The following N4BP1 variants were observed in gnomAD, a reference collection of about 807,000 sequenced individuals.
N4BP1 encodes the protein NEDD4-binding protein 1.
In N4BP1, 21 loss-of-function variants were observed where a neutral mutation model predicts 70.9. The observed-to-expected ratio is 0.30, with a 90% CI of 0.21 to 0.43. The LOEUF is 0.43. Among genes scored for constraint, N4BP1 ranks in the 20% least tolerant of loss-of-function variants. The pLI is 1.00. For synonymous variants in N4BP1, 387 were observed against 394.6 expected, an observed-to-expected ratio of 0.98 and a Z score of 0.23; for missense variants, 936 against 1,069.4, an observed-to-expected ratio of 0.88 and a Z score of 1.74.
chr16:48,583,406 G>A (rs1964200895), intron 1 of N4BP1, among the ~76,000 whole-genome samples: 1 of 152,212 alleles, frequency 6.6e-6, no homozygotes, highest in African/African-American at 2.4e-5. Context: ...ACAGTTTGGG[G>A]AAGGGATTCT....
At position 48,549,155 on chromosome 16, in the gene N4BP1, A is replaced by T. The variant is rs868431057; in HGVS notation, c.2118-1041T>A. Among the ~76,000 whole-genome samples, 54 of 152,362 alleles carry T rather than the reference A, an allele frequency of 3.5e-4. No individual in the cohort carries two copies. In the South Asian group the frequency reaches 4.6e-3, roughly 13 times the overall value. Reference sequence around the variant, plus strand: ...ATAAATTAAGGGACTCACTGGAATTAAAGGTAAAGACAACTGCTTTTACTA... The same window carrying T: ...ATAAATTAAGGGACTCACTGGAATTTAAGGTAAAGACAACTGCTTTTACTA... On this transcript the variant is annotated intron_variant, in intron 4 of 6. Transcript: ENST00000262384.
chr16:48,584,284 G>A (rs373715497), intron 1 of N4BP1, among the ~76,000 whole-genome samples: 41 of 152,316 alleles, frequency 2.7e-4, no homozygotes, highest in African/African-American at 8.9e-4. Context: ...GCAAGATCAC[G>A]TTTCGGGACC....
chr16:48,608,693 A>C (rs1233786140), intron 1 of N4BP1, among the ~76,000 whole-genome samples: 1 of 151,578 alleles, frequency 6.6e-6, no homozygotes, highest in East Asian at 1.9e-4. Context: ...AAGAGGTCTG[A>C]AATGCTGATT....
chr16:48,560,832 TAGGG>T lies in N4BP1; in HGVS notation c.1807_1810del (p.Pro603ThrfsTer5). On this transcript the variant is annotated frameshift_variant, in exon 2 of 7. Transcript: ENST00000262384. LOFTEE classifies it high-confidence loss of function. ...TGGTTCATTTTTTAATTCCAGCTTG[TAGGG>T]TATTTTTAGAGTATCTCGAAACCTT... 6.2e-7 allele frequency: 1 copy of T among 1,613,968 alleles called. No individual in the cohort carries two copies. Among genetic ancestry groups the T allele is most frequent in the Non-Finnish European group, 8.5e-7 (1 of 1,179,854 alleles).
intron 1 of N4BP1, among the ~76,000 whole-genome samples, chr16:48,599,548 A>G (rs749130734): frequency 2.6e-5 from 4 of 152,208 alleles, no homozygotes; most frequent in Admixed American, 1.3e-4. Context: ...CATTTCCTCC[A>G]ATGCTCCTTG....
At chr16:48,563,539 C>T (rs1041344328) in intron 1 of N4BP1, among the ~76,000 whole-genome samples, 3 of 152,020 alleles carry the variant, frequency 2.0e-5, no homozygotes, top group Non-Finnish European at 2.9e-5. Flanking sequence ...GCATGTGCCA[C>T]GACACCTGGC....
rs1457604107 is a variant in N4BP1 at position 48,538,751 on chromosome 16, C to T, written c.*4153G>A. ...TTCAGTTGAGCAGACATTTATTAAG[C>T]ACCTATCAAGTGCAAGGCACTGTGC... On this transcript the variant is annotated 3_prime_UTR_variant, in exon 7 of 7. Transcript: ENST00000262384. The T allele has an allele frequency of 6.6e-6, 1 of 152,100 alleles. No homozygotes were observed. Among genetic ancestry groups the T allele is most frequent in the African/African-American group, 2.4e-5 (1 of 41,388 alleles). 9.4% of individuals were successfully genotyped at this position (152,100 alleles called of 1,614,324 possible).
rs978042378 is a variant in N4BP1 at position 48,542,285 on chromosome 16, G to A, written c.*619C>T. Reference sequence around the variant, plus strand: ...ATGTCTTCTAGCCCTGGTATTCTGTGAGACTAACTTCGCCCTGGTCATTCA... The same window carrying A: ...ATGTCTTCTAGCCCTGGTATTCTGTAAGACTAACTTCGCCCTGGTCATTCA... On this transcript the variant is annotated 3_prime_UTR_variant, in exon 7 of 7. Transcript: ENST00000262384. 2.6e-4 allele frequency: 39 copies of A among 152,548 alleles called. No individual in the cohort carries two copies. Among genetic ancestry groups the A allele is most frequent in the African/African-American group, 8.2e-4 (34 of 41,474 alleles). 9.4% of individuals were successfully genotyped at this position (152,548 alleles called of 1,614,324 possible). A position where few individuals can be genotyped will look rare whatever the true frequency, so the allele number is the denominator to read the frequency against.
chr16:48,577,091 G>C (rs893167488), intron 1 of N4BP1, among the ~76,000 whole-genome samples: 3 of 152,116 alleles, frequency 2.0e-5, no homozygotes, highest in African/African-American at 4.8e-5. Context: ...GGTAGCCCAA[G>C]CCCCATTTCA....
At chr16:48,564,152 G>C (rs1251749886) in intron 1 of N4BP1, among the ~76,000 whole-genome samples, 1 of 152,136 alleles carries the variant, frequency 6.6e-6, no homozygotes, top group Non-Finnish European at 1.5e-5. Flanking sequence ...GTGGCTTGCA[G>C]ATATTTTCTC....
At chr16:48,577,504 A>G (rs1964110736) in intron 1 of N4BP1, 1 of 159,430 alleles carries the variant, frequency 6.3e-6, no homozygotes, top group African/African-American at 2.4e-5. Flanking sequence ...AATTCACTTT[A>G]TTTTTCTTGT....
Position 48,539,016 on chromosome 16 carries a change from GA to G in N4BP1, c.*3887del. The G allele has an allele frequency of 6.6e-6, 1 of 152,462 alleles. No homozygotes were observed. Among genetic ancestry groups the G allele is most frequent in the Non-Finnish European group, 1.5e-5 (1 of 68,122 alleles). The allele number at this position is 152,462 out of a possible 1,614,324, so 9.4% of individuals were successfully genotyped here. A position where few individuals can be genotyped will look rare whatever the true frequency, so the allele number is the denominator to read the frequency against. On this transcript the variant is annotated 3_prime_UTR_variant, in exon 7 of 7. Coordinates refer to ENST00000262384, the MANE Select transcript of N4BP1 (RefSeq NM_153029.4). ...CTTCCAGGAGGGAAGCCATTTGGGA[GA>G]AGGGCATCTCTAGCGGAGAGAGGTC...
intron 1 of N4BP1, among the ~76,000 whole-genome samples, chr16:48,574,893 G>A (rs1567436797): frequency 1.3e-5 from 2 of 152,190 alleles, no homozygotes; most frequent in South Asian, 2.1e-4. Context: ...CTCCTGTGCT[G>A]GAAGTGTGGA....
intron 4 of N4BP1, among the ~76,000 whole-genome samples, chr16:48,549,111 T>C (rs896115897): frequency 6.6e-6 from 1 of 152,182 alleles, no homozygotes; most frequent in East Asian, 1.9e-4. Flanking sequence ...TAAGGCAATG[T>C]AGACAAAGAT....
In N4BP1 at chr16:48,562,246, G is replaced by C; in HGVS notation, c.397C>G (p.His133Asp). 6.2e-7 allele frequency: 1 copy of C among 1,613,840 alleles called. No individual in the cohort carries two copies. Among genetic ancestry groups the C allele is most frequent in the Non-Finnish European group, 8.5e-7 (1 of 1,179,856 alleles). The change falls in exon 2 of 7, where the codon CAC becomes GAC. Residue 133 changes from histidine (H) to aspartate (D), a missense_variant. His to Asp is a moderately conservative substitution (Grantham distance 81). Around this residue, in one of 4 missense-constraint regions of N4BP1, gnomAD observed 187 missense variants for 217.1 expected, o/e 0.86. Transcript: ENST00000262384. ...SAEAVVMARS[H>D]IQQFVKLFEN... ...AAGAGCTTTACAAATTGTTGAATGT[G>C]ACTCCTAGCCATGACCACAGCCTCA...
At chr16:48,572,578 A>T (rs1350422472) in intron 1 of N4BP1, among the ~76,000 whole-genome samples, 1 of 152,184 alleles carries the variant, frequency 6.6e-6, no homozygotes, top group African/African-American at 2.4e-5. Flanking sequence ...CTTAGCAAAC[A>T]GGTATCTGAC....
intron 2 of N4BP1, chr16:48,560,527 T>C (rs1395657416): frequency 4.0e-6 from 2 of 502,658 alleles, no homozygotes; most frequent in Non-Finnish European, 6.9e-6. Context: ...TATCCTCTCT[T>C]GCCCTTAGAA....
rs1555497398 is a variant in N4BP1, at chr16:48,553,633, A to G, written c.1926T>C (p.Ile642=). The change falls in exon 3 of 7, where the codon ATT becomes ATC. Residue 642 remains isoleucine (I), a synonymous_variant. Transcript: ENST00000262384. ...TCCAAAAATATTCAACTGCAATTGC[A>G]ATTCCACGACAAGAAAAGAACTTTT... is the stretch of plus-strand genomic sequence containing the variant. ...GLKKFFSCRG[I]AIAVEYFWKL... 2 of 1,601,260 alleles carry G rather than the reference A, an allele frequency of 1.2e-6. No homozygotes were observed. The highest frequency in any genetic ancestry group is 1.7e-5 in the Admixed American group (1 of 57,614).
chr16:48,561,535 C>G lies in N4BP1; in HGVS notation c.1108G>C (p.Val370Leu), dbSNP rs753863624. The change falls in exon 2 of 7, where the codon GTG becomes CTG. Residue 370 changes from valine to leucine, a missense_variant. By Grantham distance (32) the Val-to-Leu change is conservative (BLOSUM62 1). Coordinates refer to ENST00000262384, the MANE Select transcript of N4BP1 (RefSeq NM_153029.4). Reference sequence around the variant, plus strand: ...AATGGTTCAGTAGATGGTCCATACACCTTAATGACCTTTTCAACAATTTCT... The same window carrying G: ...AATGGTTCAGTAGATGGTCCATACAGCTTAATGACCTTTTCAACAATTTCT... ...SQEIVEKVIK[V>L]YGPSTEPLLL... 6.2e-7 allele frequency: 1 copy of G among 1,613,828 alleles called. No homozygotes were observed. The highest frequency in any genetic ancestry group is 1.7e-5 in the Admixed American group (1 of 60,004).
Sources: gnomAD v4.1 joint callset for allele counts (sites outside exome capture counted in the v4.1 genomes callset) on GRCh38, gnomAD v4.1.1 for gene constraint, gnomAD v4.1.1 regional missense constraint, MANE v1.5 for transcripts, NCBI Gene and HGNC (gene_info 2026-07-23, HGNC 2026-07-21) for gene names.